Variants in THRAP3 observed in about 807,000 individuals in gnomAD.
The protein encoded by THRAP3 is thyroid hormone receptor-associated protein 3.
In THRAP3, 16 loss-of-function variants were observed where a neutral mutation model predicts 101.0. That is an observed-to-expected ratio of 0.16 (90% CI 0.11 to 0.24). The LOEUF is 0.24. Among genes scored for constraint, THRAP3 ranks in the 10% least tolerant of loss-of-function variants. The pLI, the probability that THRAP3 is intolerant of heterozygous loss-of-function variation, is 1.00. For synonymous variants in THRAP3, 407 were observed against 422.6 expected, an observed-to-expected ratio of 0.96 and a Z score of 0.45; for missense variants, 989 against 1,202.7, an observed-to-expected ratio of 0.82 and a Z score of 2.63.
At chr1:36,297,625 T>G (rs1645969531) in intron 9 of THRAP3, among the ~76,000 whole-genome samples, 2 of 151,602 alleles carry the variant, frequency 1.3e-5, no homozygotes, top group African/African-American at 4.8e-5. Context: ...ATTTTTTGTA[T>G]TTAGAGATGG....
intron 2 of THRAP3, among the ~76,000 whole-genome samples, chr1:36,270,965 A>G (rs1645583232): frequency 6.6e-6 from 1 of 152,004 alleles, no homozygotes; most frequent in South Asian, 2.1e-4. Context: ...TGGAATGTTA[A>G]CTTTTTTTTT....
chr1:36,288,919 G>T, intron 4 of THRAP3, 141 bp from the exon 5 acceptor site: 1 of 1,308,278 alleles, frequency 7.6e-7, no homozygotes, highest in Non-Finnish European at 9.7e-7. Context: ...CGAAGTAACC[G>T]CCTAGAAAGT....
intron 2 of THRAP3, among the ~76,000 whole-genome samples, chr1:36,281,568 G>T (rs1453176608): frequency 3.4e-5 from 4 of 117,102 alleles, no homozygotes; most frequent in African/African-American, 1.2e-4. Flanking sequence ...TTAAAAATCA[G>T]TCATTTCATC....
At chr1:36,229,402 TTTTTTTTTTGTTTTTTTTTTG>T (rs1200172743) in intron 1 of THRAP3, among the ~76,000 whole-genome samples, 4 of 39,514 alleles carry the variant, frequency 1.0e-4, no homozygotes, top group Admixed American at 3.5e-4. Context: ...GGTCTACAGT[TTTTTTTTTTGTTTTTTTTTTG>T]TTTTTTTTTT....
intron 10 of THRAP3, among the ~76,000 whole-genome samples, 157 bp downstream of exon 10, chr1:36,301,241 C>T (rs1435215714): frequency 3.3e-5 from 5 of 152,186 alleles, no homozygotes; most frequent in Non-Finnish European, 7.4e-5. Context: ...CCTGGCCTTT[C>T]CATTTTTTGT....
chr1:36,241,383 GTGTATATATATA>G (rs1349155782), intron 1 of THRAP3, among the ~76,000 whole-genome samples: 4,423 of 132,060 alleles, frequency 0.033, 249 homozygotes, highest in East Asian at 0.14. Flanking sequence ...ATGATAATGG[GTGTATATATATA>G]TATATATATA....
chr1:36,252,404 A>G lies in THRAP3; in HGVS notation c.-134-6978A>G, dbSNP rs190688844. On this transcript the variant is annotated intron_variant, in intron 1 of 11. Transcript: ENST00000354618. Reference sequence around the variant, plus strand: ...CCTCCCAAAGTATATGTTTACAGGCATGAGCCACCGTGCCTGGCCAAGGTT... The same window carrying G: ...CCTCCCAAAGTATATGTTTACAGGCGTGAGCCACCGTGCCTGGCCAAGGTT... Among the ~76,000 whole-genome samples, 694 of 152,272 alleles carry G rather than the reference A, an allele frequency of 4.6e-3. 1 individual carries two copies. Among genetic ancestry groups the G allele is most frequent in the Non-Finnish European group, 7.1e-3 (485 of 68,022 alleles).
At chr1:36,215,636 C>A in the THRAP3 span, among the ~76,000 whole-genome samples, 1 of 152,168 alleles carries the variant, frequency 6.6e-6, no homozygotes, top group Non-Finnish European at 1.5e-5. Context: ...ACCACAGTCT[C>A]TGTTGCAACC....
chr1:36,300,454 G>A (rs1646018178), intron 9 of THRAP3, among the ~76,000 whole-genome samples: 1 of 152,194 alleles, frequency 6.6e-6, no homozygotes, highest in Admixed American at 6.5e-5. Context: ...AAGACAGGTA[G>A]CATTCCTGTA....
chr1:36,239,883 T>C (rs2124393933), intron 1 of THRAP3, among the ~76,000 whole-genome samples: 1 of 152,362 alleles, frequency 6.6e-6, no homozygotes, highest in South Asian at 2.1e-4. Context: ...AATTTTATCA[T>C]CTTAATCATT....
chr1:36,220,712 G>C (rs1329124238), upstream of THRAP3, among the ~76,000 whole-genome samples: 1 of 152,072 alleles, frequency 6.6e-6, no homozygotes, highest in Non-Finnish European at 1.5e-5. Flanking sequence ...CCAGCACTTT[G>C]GGAGGCTGAG....
intron 1 of THRAP3, among the ~76,000 whole-genome samples, chr1:36,233,607 A>G (rs1360359116): frequency 1.3e-5 from 2 of 151,850 alleles, no homozygotes; most frequent in African/African-American, 4.8e-5. Flanking sequence ...AAAATAAAAT[A>G]AAATAAAAAA....
rs1645833356 is a variant in THRAP3, at chr1:36,289,227, T to G, written c.1208T>G (p.Phe403Cys). 1 of 1,614,148 alleles carries G rather than the reference T, an allele frequency of 6.2e-7. No individual in the cohort carries two copies. The highest frequency in any genetic ancestry group is 8.5e-7 in the Non-Finnish European group (1 of 1,180,030). Residue 403 changes from phenylalanine (F) to cysteine (C), a missense_variant, in exon 5 of 12, where the codon TTT becomes TGT. Phe to Cys is a radical substitution (Grantham distance 205). Transcript: ENST00000354618. ...FAPKTDSEKP[F>C]RGSQSPKRYK... ...CCCAAAACTGATTCTGAGAAGCCTTTTCGGGGCAGTCAGTCTCCCAAAAGG... is the reference window on the plus strand; with the variant it reads ...CCCAAAACTGATTCTGAGAAGCCTTGTCGGGGCAGTCAGTCTCCCAAAAGG...
intron 2 of THRAP3, among the ~76,000 whole-genome samples, chr1:36,270,660 C>G (rs1371622159): frequency 2.0e-5 from 3 of 149,086 alleles, no homozygotes; most frequent in Non-Finnish European, 3.0e-5. Flanking sequence ...TCACTGCAAC[C>G]TCTGCCTCCT....
intron 1 of THRAP3, among the ~76,000 whole-genome samples, chr1:36,229,409 TTTG>T (rs910545505): frequency 2.7e-4 from 5 of 18,720 alleles, no homozygotes; most frequent in Non-Finnish European, 1.7e-3. Context: ...AGTTTTTTTT[TTTG>T]TTTTTTTTTT....
At chr1:36,252,614 A>T (rs1292642136) in intron 1 of THRAP3, among the ~76,000 whole-genome samples, 5 of 152,096 alleles carry the variant, frequency 3.3e-5, no homozygotes, top group Non-Finnish European at 7.4e-5. Flanking sequence ...TTATTTCAAA[A>T]TACAATAATC....
At chr1:36,213,947 GAAAGAAAGAAAGAAGGAAAGA>G in the THRAP3 span, among the ~76,000 whole-genome samples, 2 of 118,986 alleles carry the variant, frequency 1.7e-5, no homozygotes, top group South Asian at 2.5e-4. Context: ...AAGAAAGAAA[GAAAGAAAGAAAGAAGGAAAGA>G]GAAAGAAAGA....
At chr1:36,293,316 A>T (rs1229094798) in intron 7 of THRAP3, among the ~76,000 whole-genome samples, 1 of 152,194 alleles carries the variant, frequency 6.6e-6, no homozygotes, top group Non-Finnish European at 1.5e-5. Context: ...GGCGTGAGCC[A>T]CTGCGCCCAG....
chr1:36,232,694 G>A (rs1046008095), intron 1 of THRAP3, among the ~76,000 whole-genome samples: 7 of 152,144 alleles, frequency 4.6e-5, no homozygotes, highest in Non-Finnish European at 8.8e-5. Flanking sequence ...TCTCTGAAGT[G>A]CTCCCATTGT....
Sources: allele counts gnomAD v4.1 joint callset (sites outside exome capture counted in the v4.1 genomes callset), GRCh38; gene constraint gnomAD v4.1.1; transcripts MANE v1.5; gene names NCBI Gene and HGNC (gene_info 2026-07-23, HGNC 2026-07-21).